Variants in RIMS3 observed in about 807,000 individuals in gnomAD.
RIMS3 encodes the protein regulating synaptic membrane exocytosis protein 3.
Under a neutral mutation model 29.2 loss-of-function variants are expected in RIMS3, and 15 were observed. That is an observed-to-expected ratio of 0.51 (90% CI 0.34 to 0.79). The LOEUF is 0.79. RIMS3 is among the 30% of genes least tolerant of loss of function. The pLI, the probability that RIMS3 is intolerant of heterozygous loss-of-function variation, is 0.01. For synonymous variants in RIMS3, 161 were observed against 170.1 expected (o/e 0.95, Z 0.41); for missense variants, 342 against 421.4 (o/e 0.81, Z 1.65).
At chr1:40,672,731 G>A in the RIMS3 span, among the ~76,000 whole-genome samples, 1 of 152,126 alleles carries the variant, frequency 6.6e-6, no homozygotes, top group Non-Finnish European at 1.5e-5. Context: ...AACCAGTGTG[G>A]TGGCTGACAT....
At chr1:40,687,288 C>T in the RIMS3 span, among the ~76,000 whole-genome samples, 1 of 148,542 alleles carries the variant, frequency 6.7e-6, no homozygotes, top group Non-Finnish European at 1.5e-5. Flanking sequence ...CTTAATGTCA[C>T]TGAAATGTAT....
chr1:40,691,528 T>G, the RIMS3 span: 1 of 299,078 alleles, frequency 3.3e-6, no homozygotes, highest in Non-Finnish European at 6.6e-6. Context: ...GGGTCAAAAC[T>G]CAGATCTCGA....
At chr1:40,646,882 CT>C (rs200219484) in intron 2 of RIMS3, among the ~76,000 whole-genome samples, 7,401 of 144,376 alleles carry the variant, frequency 0.051, 560 homozygotes, top group African/African-American at 0.18. Context: ...AACCAGATAA[CT>C]TTTTTTTTTT....
chr1:40,626,395 T>C lies in RIMS3; in HGVS notation c.*122A>G. On this transcript the variant is annotated 3_prime_UTR_variant, in exon 8 of 8. Transcript: ENST00000372684. Reference sequence around the variant, plus strand: ...CCACTGCCAGCTGGGATGAGCCCAGTAGCCAACAGGCATGCAGCAGGACAA... The same window carrying C: ...CCACTGCCAGCTGGGATGAGCCCAGCAGCCAACAGGCATGCAGCAGGACAA... 1.1e-6 allele frequency: 1 copy of C among 917,262 alleles called. No homozygotes were observed. The highest frequency in any genetic ancestry group is 1.4e-5 in the South Asian group (1 of 70,788). 56.8% of individuals were successfully genotyped at this position (917,262 alleles called of 1,614,324 possible). A position where few individuals can be genotyped will look rare whatever the true frequency, so the allele number is the denominator to read the frequency against.
chr1:40,659,999 G>A (rs1038728823), intron 1 of RIMS3, among the ~76,000 whole-genome samples: 3 of 152,172 alleles, frequency 2.0e-5, no homozygotes, highest in African/African-American at 4.8e-5. Context: ...GAAAGAAAGC[G>A]GGGCAAGAAC....
Position 40,621,146 on chromosome 1 carries a change from C to G in RIMS3, c.*5371G>C, listed in dbSNP as rs1470849597. 6.6e-6 allele frequency: 1 copy of G among 152,144 alleles called. No individual in the cohort carries two copies. Among genetic ancestry groups the G allele is most frequent in the Admixed American group, 6.5e-5 (1 of 15,284 alleles). 9.4% of individuals were successfully genotyped at this position (152,144 alleles called of 1,614,324 possible). A position where few individuals can be genotyped will look rare whatever the true frequency, so the allele number is the denominator to read the frequency against. ...AAACTACTTTGAAGGGAAATAAGTT[C>G]CCTCTCTCCTCCCATCAGAGAACAT... On this transcript the variant is annotated 3_prime_UTR_variant, in exon 8 of 8. Coordinates refer to ENST00000372684, the MANE Select transcript of RIMS3 (RefSeq NM_014747.3).
rs1352985631 is a variant in RIMS3, at chr1:40,654,438, C to A, written c.-206-6596G>T. ...AGCCATACACCTCCGGTTGGCCACT[C>A]CGACGCGCCACAGAGCGAGATGCAC... On this transcript the variant is annotated intron_variant, in intron 1 of 7. Coordinates refer to ENST00000372684, the MANE Select transcript of RIMS3 (RefSeq NM_014747.3). This position sits in a 1 kb window ranked among gnomAD's most constrained non-coding sequence, Gnocchi z 5.3. Among the ~76,000 whole-genome samples, 1 of 152,190 alleles carries A rather than the reference C, an allele frequency of 6.6e-6. No individual in the cohort carries two copies. Among genetic ancestry groups the A allele is most frequent in the Non-Finnish European group, 1.5e-5 (1 of 68,036 alleles).
chr1:40,683,659 A>G, the RIMS3 span, among the ~76,000 whole-genome samples: 1 of 152,214 alleles, frequency 6.6e-6, no homozygotes, highest in African/African-American at 2.4e-5. Context: ...AGCTATTTCA[A>G]TGTAAACAAA....
chr1:40,630,907 G>A (rs146650075), intron 5 of RIMS3, among the ~76,000 whole-genome samples: 13 of 152,298 alleles, frequency 8.5e-5, no homozygotes, highest in African/African-American at 3.1e-4. Flanking sequence ...GCTGATCCTT[G>A]CCCTCTGAGG....
chr1:40,667,808 C>T (rs188232381), upstream of RIMS3, among the ~76,000 whole-genome samples: 2 of 152,134 alleles, frequency 1.3e-5, no homozygotes, highest in South Asian at 2.1e-4. Context: ...GGATCCAGCC[C>T]CACAAGGGAA....
At chr1:40,649,553 G>A (rs1172161869) in intron 1 of RIMS3, among the ~76,000 whole-genome samples, 1 of 152,208 alleles carries the variant, frequency 6.6e-6, no homozygotes, top group African/African-American at 2.4e-5. Flanking sequence ...CCACCTCTGA[G>A]CAGGTGTGTG....
At chr1:40,646,645 C>G (rs1283294708) in intron 2 of RIMS3, among the ~76,000 whole-genome samples, 1 of 152,152 alleles carries the variant, frequency 6.6e-6, no homozygotes, top group Non-Finnish European at 1.5e-5. Flanking sequence ...TCCAGGGAGA[C>G]AGCTACTGCC....
At chr1:40,679,097 G>C in the RIMS3 span, among the ~76,000 whole-genome samples, 1 of 152,212 alleles carries the variant, frequency 6.6e-6, no homozygotes, top group African/African-American at 2.4e-5. Context: ...TATGCTAACA[G>C]AACTGCCAGA....
chr1:40,691,765 A>G, the RIMS3 span: 28 of 455,078 alleles, frequency 6.2e-5, no homozygotes, highest in South Asian at 3.6e-4. Context: ...GTTCTCCGTG[A>G]CGCACACTTC....
intron 3 of RIMS3, among the ~76,000 whole-genome samples, chr1:40,638,010 A>G (rs1646531760): frequency 6.6e-6 from 1 of 152,154 alleles, no homozygotes; most frequent in African/African-American, 2.4e-5. Context: ...TTCAGAGTTT[A>G]GGGAAACTTT....
chr1:40,646,431 G>A (rs970631397), intron 2 of RIMS3, among the ~76,000 whole-genome samples: 1 of 152,086 alleles, frequency 6.6e-6, no homozygotes, highest in Non-Finnish European at 1.5e-5. Context: ...CCAAACGATT[G>A]CTAAATAAAC....
At chr1:40,689,981 T>C in the RIMS3 span, among the ~76,000 whole-genome samples, 3 of 152,220 alleles carry the variant, frequency 2.0e-5, no homozygotes, top group East Asian at 5.8e-4. Context: ...GCTTCATCTA[T>C]GCTTGAGCAC....
Position 40,620,910 on chromosome 1 carries a change from CAG to C in RIMS3, c.*5605_*5606del, listed in dbSNP as rs1489461758. On this transcript the variant is annotated 3_prime_UTR_variant, in exon 8 of 8. Coordinates refer to ENST00000372684, the MANE Select transcript of RIMS3 (RefSeq NM_014747.3). ...AAAGGCTAATTGCTTCTTATCTAAACAGTGTGCTTGTCAGTCCCTATCAGCTA... is the reference window on the plus strand; with the variant it reads ...AAAGGCTAATTGCTTCTTATCTAAACTGTGCTTGTCAGTCCCTATCAGCTA... The C allele has an allele frequency of 1.3e-5, 2 of 152,768 alleles. No homozygotes were observed. The highest frequency in any genetic ancestry group is 3.9e-4 in the East Asian group (2 of 5,188). 9.5% of individuals were successfully genotyped at this position (152,768 alleles called of 1,614,324 possible). A position where few individuals can be genotyped will look rare whatever the true frequency, so the allele number is the denominator to read the frequency against.
the RIMS3 span, among the ~76,000 whole-genome samples, chr1:40,671,189 GT>G: frequency 2.6e-5 from 4 of 152,182 alleles, no homozygotes; most frequent in Admixed American, 2.6e-4. Context: ...CCTACAACTG[GT>G]TGGGTGGTGA....
Sources: gnomAD v4.1 joint callset for allele counts (sites outside exome capture counted in the v4.1 genomes callset) on GRCh38, gnomAD v4.1.1 for gene constraint, Gnocchi (gnomAD v3.1) non-coding constraint, MANE v1.5 for transcripts, NCBI Gene and HGNC (gene_info 2026-07-23, HGNC 2026-07-21) for gene names.